The following PIK3IP1 variants were observed in gnomAD, a reference collection of about 807,000 sequenced individuals.
PIK3IP1 encodes phosphoinositide-3-kinase-interacting protein 1.
In PIK3IP1, 28 loss-of-function variants were observed where a neutral mutation model predicts 30.7. The observed-to-expected ratio is 0.91, with a 90% CI of 0.68 to 1.25. The LOEUF (loss-of-function observed/expected upper bound fraction) is 1.25. Among genes scored for constraint, PIK3IP1 ranks in the 50% most tolerant of loss-of-function variants. The pLI is 0.00. For synonymous variants in PIK3IP1, 159 were observed against 140.8 expected, an observed-to-expected ratio of 1.13 and a Z score of -0.91; for missense variants, 333 against 346.2, an observed-to-expected ratio of 0.96 and a Z score of 0.30.
intron 5 of PIK3IP1, among the ~76,000 whole-genome samples, chr22:31,286,470 T>C (rs1244210087): frequency 6.6e-6 from 1 of 152,212 alleles, no homozygotes; most frequent in Non-Finnish European, 1.5e-5. Flanking sequence ...TGCGGTTTCC[T>C]GTTGTACAGT....
intron 5 of PIK3IP1, among the ~76,000 whole-genome samples, chr22:31,288,533 A>G (rs1266795573): frequency 6.6e-6 from 1 of 152,222 alleles, no homozygotes; most frequent in East Asian, 1.9e-4. Context: ...CAGGGCTAGA[A>G]GTCAAATCCC....
chr22:31,289,763 C>T, intron 3 of PIK3IP1, 64 bp from the exon 4 acceptor site: 1 of 1,523,770 alleles, frequency 6.6e-7, no homozygotes, highest in Non-Finnish European at 8.9e-7. Flanking sequence ...ACAGCTGAAC[C>T]TGGCCTGAGT....
chr22:31,289,926 C>T (rs2049160926), intron 3 of PIK3IP1: 1 of 513,856 alleles, frequency 1.9e-6, no homozygotes, highest in African/African-American at 1.9e-5. Flanking sequence ...AAGGGCTTCT[C>T]TCCTACCTCC....
At chr22:31,292,040 T>A (rs2049184708) in intron 1 of PIK3IP1, among the ~76,000 whole-genome samples, 1 of 152,182 alleles carries the variant, frequency 6.6e-6, no homozygotes, top group Non-Finnish European at 1.5e-5. Context: ...CCAAGCTCCA[T>A]CCACTCATGA....
At position 31,292,250 on chromosome 22, in the gene PIK3IP1, CGGAAA is replaced by C; in HGVS notation, c.70+20_70+24del. 1 of 1,610,098 alleles carries C rather than the reference CGGAAA, an allele frequency of 6.2e-7. No homozygotes were observed. Among genetic ancestry groups the C allele is most frequent in the Non-Finnish European group, 8.5e-7 (1 of 1,176,498 alleles). The stretch of plus-strand genomic sequence containing the variant: ...CCCCTTCTGTTTCATGAAGTTGCTG[CGGAAA>C]GGAAAGATTGTAATCTCACCTCCAG... On this transcript the variant is annotated intron_variant, in intron 1 of 5. Transcript: ENST00000215912.
intron 5 of PIK3IP1, among the ~76,000 whole-genome samples, chr22:31,288,248 A>G (rs1264488087): frequency 3.9e-5 from 6 of 152,040 alleles, no homozygotes; most frequent in African/African-American, 1.4e-4. Flanking sequence ...ATGGTGGGAC[A>G]TGCCTGTAGT....
intron 5 of PIK3IP1, among the ~76,000 whole-genome samples, chr22:31,283,593 C>CTT (rs568284460): frequency 7.0e-6 from 1 of 142,012 alleles, no homozygotes; most frequent in Non-Finnish European, 1.5e-5. Context: ...AGGACAGAGA[C>CTT]TTTTTTTTTT....
rs755545389 is a variant in PIK3IP1 at position 31,291,306 on chromosome 22, AAAG to A, written c.71-13_71-11del. 74 of 1,555,684 alleles carry A rather than the reference AAAG, an allele frequency of 4.8e-5. No homozygotes were observed. Among genetic ancestry groups the A allele is most frequent in the Non-Finnish European group, 6.3e-5 (72 of 1,150,184 alleles). On this transcript the variant is annotated splice_polypyrimidine_tract_variant and intron_variant, in intron 1 of 5. Transcript: ENST00000215912. ...TTGTCCCAGAAACAGCCTGTGAGGA[AAAG>A]AAGCCCCCGGACACAGAATAGCGGG...
At chr22:31,287,640 T>G (rs189824349) in intron 5 of PIK3IP1, among the ~76,000 whole-genome samples, 1 of 151,960 alleles carries the variant, frequency 6.6e-6, no homozygotes, top group African/African-American at 2.4e-5. Context: ...ACACATTTTA[T>G]AGAAAAGAAA....
At position 31,291,164 on chromosome 22, in the gene PIK3IP1, C is replaced by G; in HGVS notation, c.187+16G>C. 1 of 1,541,508 alleles carries G rather than the reference C, an allele frequency of 6.5e-7. No homozygotes were observed. Among genetic ancestry groups the G allele is most frequent in the Non-Finnish European group, 8.7e-7 (1 of 1,143,650 alleles). ...CCGCCCGCCAGCCCCGGGGCCGTCCCCCGGAGGACACTTACCCGACACGGG... is the reference window on the plus strand; with the variant it reads ...CCGCCCGCCAGCCCCGGGGCCGTCCGCCGGAGGACACTTACCCGACACGGG... On this transcript the variant is annotated intron_variant, in intron 2 of 5. Transcript: ENST00000215912.
intron 3 of PIK3IP1, 39 bp from the exon 4 acceptor site, chr22:31,289,738 CCCTGAGTGAATTCCACAGCTGAACCTGG>C (rs1350969518): frequency 4.5e-6 from 7 of 1,547,066 alleles, no homozygotes; most frequent in Non-Finnish European, 6.1e-6. Context: ...TCAGGGACTG[CCCTGAGTGAATTCCACAGCTGAACCTGG>C]CCTGAGTGTT....
At chr22:31,290,885 G>A in intron 3 of PIK3IP1, 80 bp downstream of exon 3, 1 of 1,452,290 alleles carries the variant, frequency 6.9e-7, no homozygotes, top group Admixed American at 2.8e-5. Context: ...GGCATCGCGC[G>A]GCCGCACGTG....
intron 5 of PIK3IP1, 73 bp from the exon 6 acceptor site, chr22:31,283,361 G>A: frequency 1.3e-6 from 2 of 1,507,674 alleles, no homozygotes; most frequent in South Asian, 2.3e-5. Context: ...TAGCATCCCT[G>A]AGGCTCAGCA....
At chr22:31,287,727 T>C (rs1569011393) in intron 5 of PIK3IP1, among the ~76,000 whole-genome samples, 2 of 152,054 alleles carry the variant, frequency 1.3e-5, no homozygotes, top group African/African-American at 2.4e-5. Flanking sequence ...CTCCACACCA[T>C]GATGTGGAGT....
At chr22:31,287,942 G>A (rs900207588) in intron 5 of PIK3IP1, among the ~76,000 whole-genome samples, 11 of 152,054 alleles carry the variant, frequency 7.2e-5, no homozygotes, top group African/African-American at 1.4e-4. Flanking sequence ...TCTGGCATAC[G>A]GTACATGTTT....
chr22:31,289,497 AC>A lies in PIK3IP1; in HGVS notation c.508+1del. 1 of 1,536,156 alleles carries A rather than the reference AC, an allele frequency of 6.5e-7. No homozygotes were observed. Among genetic ancestry groups the A allele is most frequent in the Non-Finnish European group, 8.8e-7 (1 of 1,140,078 alleles). ...GAGGGCAGGGGTGGGGGACCGTCAT[AC>A]CCAGAGTTCCCAGGTCCTTTTTCTC... On this transcript the variant is annotated splice_donor_variant, in intron 4 of 5. Transcript: ENST00000215912. LOFTEE classifies it high-confidence loss of function.
intron 3 of PIK3IP1, 55 bp downstream of exon 3, chr22:31,290,910 C>T (rs1421238549): frequency 2.0e-6 from 3 of 1,515,962 alleles, no homozygotes; most frequent in Non-Finnish European, 2.6e-6. Flanking sequence ...ACGAGTGTCT[C>T]AGCCGCTTCC....
rs779720416 is a variant in PIK3IP1 at position 31,289,744 on chromosome 22, G to A, written c.308-45C>T. ...CAGCTCTCATCAGGGACTGCCCTGA[G>A]TGAATTCCACAGCTGAACCTGGCCT... is the stretch of plus-strand genomic sequence containing the variant. On this transcript the variant is annotated intron_variant, in intron 3 of 5. Transcript: ENST00000215912. The A allele has an allele frequency of 4.6e-6, 7 of 1,537,204 alleles. No homozygotes were observed. In the African/African-American group the frequency reaches 8.3e-5, roughly 18 times the overall value.
At chr22:31,290,086 T>G (rs989073275) in intron 3 of PIK3IP1, 2 of 170,330 alleles carry the variant, frequency 1.2e-5, no homozygotes, top group African/African-American at 4.7e-5. Flanking sequence ...GTGCCAGTCC[T>G]TAGGTAAAAT....
Sources: gnomAD v4.1 joint callset for allele counts (sites outside exome capture counted in the v4.1 genomes callset) on GRCh38, gnomAD v4.1.1 for gene constraint, MANE v1.5 for transcripts, NCBI Gene and HGNC (gene_info 2026-07-23, HGNC 2026-07-21) for gene names.